Variants in R3HDM2 observed in about 807,000 individuals in gnomAD.
The protein encoded by R3HDM2 is R3H domain containing 2.
In R3HDM2, 38 loss-of-function variants were observed where a neutral mutation model predicts 124.5. The ratio of observed to expected loss-of-function variants is 0.31; its 90% CI spans 0.24 to 0.40. The LOEUF is 0.40. R3HDM2 is among the 10% of genes least tolerant of loss of function. The probability of loss-of-function intolerance (pLI) is 1.00; values close to 1 mark genes in which losing one functional copy is unlikely to be tolerated. For synonymous variants in R3HDM2, 391 were observed against 448.0 expected, an observed-to-expected ratio of 0.87 and a Z score of 1.61; for missense variants, 869 against 1,236.9, an observed-to-expected ratio of 0.70 and a Z score of 4.46.
rs193235150 is a variant in R3HDM2, at chr12:57,300,334, G to A, written c.208-153C>T. 5.3e-5 allele frequency among the ~76,000 whole-genome samples: 8 copies of A among 151,646 alleles called. No homozygotes were observed. The East Asian group carries it at 1.2e-3, about 22-fold the overall frequency. The stretch of plus-strand genomic sequence containing the variant: ...CATTAAACAGGGGTTTTTTTCAAAC[G>A]GGTCCTACTCACCAGTTCCTGATTC... On this transcript the variant is annotated intron_variant, in intron 4 of 23. Transcript: ENST00000402412.
At chr12:57,425,753 A>G (rs770938711) in intron 1 of R3HDM2, among the ~76,000 whole-genome samples, 3 of 152,138 alleles carry the variant, frequency 2.0e-5, no homozygotes, top group Non-Finnish European at 4.4e-5. Context: ...AGCTGAAATC[A>G]GGACACTGCA....
At chr12:57,322,149 G>A (rs931102653) in intron 2 of R3HDM2, among the ~76,000 whole-genome samples, 1 of 152,154 alleles carries the variant, frequency 6.6e-6, no homozygotes, top group Non-Finnish European at 1.5e-5. Context: ...CCTGGAGGCG[G>A]AGGTTGCAGT....
At chr12:57,300,352 C>G (rs1413823072) in intron 4 of R3HDM2, among the ~76,000 whole-genome samples, 171 bp from the exon 5 acceptor site, 1 of 152,048 alleles carries the variant, frequency 6.6e-6, no homozygotes, top group East Asian at 1.9e-4. Context: ...CTCACCAGTT[C>G]CTGATTCACT....
chr12:57,429,821 G>T (rs969683658), intron 1 of R3HDM2, among the ~76,000 whole-genome samples: 1 of 152,094 alleles, frequency 6.6e-6, no homozygotes, highest in Non-Finnish European at 1.5e-5. Flanking sequence ...TTAGGAAGAA[G>T]AGCCACAAAT....
Position 57,268,284 on chromosome 12 carries a change from G to A in R3HDM2, c.2030+19C>T, listed in dbSNP as rs771159605. On this transcript the variant is annotated intron_variant, in intron 18 of 23. Coordinates refer to ENST00000402412, the MANE Select transcript of R3HDM2 (RefSeq NM_001394031.1). ...GGTCTATGGGAGATGTCCTGTCCTGGCTCTCTGGGAGTCCTCACCTCGTAC... is the reference window on the plus strand; with the variant it reads ...GGTCTATGGGAGATGTCCTGTCCTGACTCTCTGGGAGTCCTCACCTCGTAC... 6.2e-7 allele frequency: 1 copy of A among 1,609,944 alleles called. No homozygotes were observed. Among genetic ancestry groups the A allele is most frequent in the South Asian group, 1.1e-5 (1 of 90,706 alleles).
intron 2 of R3HDM2, among the ~76,000 whole-genome samples, chr12:57,373,357 G>A (rs367835678): frequency 1.2e-4 from 19 of 152,124 alleles, no homozygotes; most frequent in African/African-American, 2.7e-4. Flanking sequence ...AAAATTAGCC[G>A]GGCGTGGTGG....
chr12:57,346,258 A>G (rs1040514445), intron 2 of R3HDM2, among the ~76,000 whole-genome samples: 1 of 151,846 alleles, frequency 6.6e-6, no homozygotes, highest in African/African-American at 2.4e-5. Context: ...GGAGTTCGAG[A>G]CCAGCCTGGC....
At chr12:57,421,767 A>G (rs539539723) in intron 1 of R3HDM2, among the ~76,000 whole-genome samples, 47 of 152,220 alleles carry the variant, frequency 3.1e-4, no homozygotes, top group African/African-American at 1.1e-3. Flanking sequence ...TCAGCCTCCC[A>G]AAGTGCTGGA....
chr12:57,340,522 A>C (rs1377332230), intron 2 of R3HDM2, among the ~76,000 whole-genome samples: 1 of 152,096 alleles, frequency 6.6e-6, no homozygotes, highest in African/African-American at 2.4e-5. Flanking sequence ...CCCACCCCCC[A>C]AAAATAGATT....
At chr12:57,320,150 AC>A (rs1333886585) in intron 2 of R3HDM2, among the ~76,000 whole-genome samples, 3 of 150,826 alleles carry the variant, frequency 2.0e-5, no homozygotes, top group African/African-American at 7.3e-5. Flanking sequence ...AATCCCAGCT[AC>A]TCAGGAGGCT....
intron 1 of R3HDM2, among the ~76,000 whole-genome samples, chr12:57,400,085 T>C (rs995809792): frequency 3.9e-5 from 6 of 152,198 alleles, no homozygotes; most frequent in African/African-American, 1.4e-4. Flanking sequence ...TTACTGGGTA[T>C]ATACCCAAAG....
At chr12:57,419,121 TATACCATCC>T (rs2069933253) in intron 1 of R3HDM2, among the ~76,000 whole-genome samples, 1 of 151,760 alleles carries the variant, frequency 6.6e-6, no homozygotes, top group South Asian at 2.1e-4. Context: ...CTGCCCCATA[TATACCATCC>T]ATATTCTCCT....
intron 2 of R3HDM2, among the ~76,000 whole-genome samples, chr12:57,333,706 CATAA>C (rs995613533): frequency 6.6e-6 from 1 of 150,618 alleles, no homozygotes; most frequent in African/African-American, 2.4e-5. Context: ...TAAATAAATA[CATAA>C]ATAAATATTT....
chr12:57,349,141 G>A (rs2060384521), intron 2 of R3HDM2, among the ~76,000 whole-genome samples: 1 of 151,982 alleles, frequency 6.6e-6, no homozygotes, highest in African/African-American at 2.4e-5. Context: ...ACCACTTTGG[G>A]AGGCTGAGGC....
rs184667700 is a variant in R3HDM2 at position 57,390,937 on chromosome 12, G to A, written c.-36+4812C>T. Among the ~76,000 whole-genome samples the A allele has an allele frequency of 4.4e-3, 659 of 151,464 alleles. 4 individuals are homozygous for A. The highest frequency in any genetic ancestry group is 0.015 in the African/African-American group (613 of 41,302). ...TGAGACAGAAGAATCACTTGAACCC[G>A]GGAAGCAGAGGTTGCAGTGAGCCGA... On this transcript the variant is annotated intron_variant, in intron 2 of 23. Coordinates refer to ENST00000402412, the MANE Select transcript of R3HDM2 (RefSeq NM_001394031.1).
In R3HDM2 at chr12:57,257,870, T is replaced by G. The variant is rs2039520739; in HGVS notation, c.2449+120A>C. On this transcript the variant is annotated intron_variant, in intron 21 of 23. Transcript: ENST00000402412. The stretch of plus-strand genomic sequence containing the variant: ...CAGGGATGTTAAAGGAAGAGTTAAC[T>G]CCCAGAATTGGATCATCTACACTGG... The G allele has an allele frequency of 1.2e-5, 13 of 1,120,394 alleles. No homozygotes were observed. The South Asian group carries it at 2.3e-4, about 20-fold the overall frequency. The allele number at this position is 1,120,394 out of a possible 1,614,324, so 69.4% of individuals were successfully genotyped here.
intron 23 of R3HDM2, among the ~76,000 whole-genome samples, chr12:57,255,579 A>C (rs1303092222): frequency 6.6e-6 from 1 of 152,146 alleles, no homozygotes; most frequent in East Asian, 1.9e-4. Context: ...TTGTTTAGGA[A>C]ATTGCTCCAA....
At chr12:57,359,623 G>T (rs2137515110) in intron 2 of R3HDM2, among the ~76,000 whole-genome samples, 1 of 152,246 alleles carries the variant, frequency 6.6e-6, no homozygotes, top group African/African-American at 2.4e-5. Flanking sequence ...GCTGGGTCGT[G>T]CTTTTAGATG....
In R3HDM2 at chr12:57,289,000, G is replaced by A. The variant is rs1343260093; in HGVS notation, c.938+9C>T. Reference sequence around the variant, plus strand: ...ATGAGAAGCAGGGAACATGCTAAGTGGTACTAACCTGATGTCATTTAGATA... The same window carrying A: ...ATGAGAAGCAGGGAACATGCTAAGTAGTACTAACCTGATGTCATTTAGATA... On this transcript the variant is annotated intron_variant, in intron 12 of 23. Transcript: ENST00000402412. The A allele has an allele frequency of 6.5e-7, 1 of 1,549,440 alleles. No homozygotes were observed. The highest frequency in any genetic ancestry group is 8.7e-7 in the Non-Finnish European group (1 of 1,144,814).
Sources: gnomAD v4.1 joint callset for allele counts (sites outside exome capture counted in the v4.1 genomes callset) on GRCh38, gnomAD v4.1.1 for gene constraint, MANE v1.5 for transcripts, NCBI Gene and HGNC (gene_info 2026-07-23, HGNC 2026-07-21) for gene names.